The following TTC7B variants were observed in gnomAD, a reference collection of about 807,000 sequenced individuals.
TTC7B encodes tetratricopeptide repeat domain 7B, also known as tetratricopeptide repeat protein 7B.
A neutral mutation model predicts 106.8 loss-of-function variants in TTC7B; 28 were observed. The ratio of observed to expected loss-of-function variants is 0.26; its 90% confidence interval spans 0.19 to 0.36. The LOEUF (loss-of-function observed/expected upper bound fraction) is 0.36, where lower values mean the gene tolerates loss of function less well. TTC7B is among the 10% of genes least tolerant of loss of function. The pLI is 1.00. For synonymous variants in TTC7B, 405 were observed against 430.6 expected (o/e 0.94, Z 0.74); for missense variants, 862 against 1,076.4 (o/e 0.80, Z 2.79).
chr14:90,560,547 A>T (rs1890527397), intron 19 of TTC7B, among the ~76,000 whole-genome samples: 1 of 152,248 alleles, frequency 6.6e-6, no homozygotes, highest in Non-Finnish European at 1.5e-5. Context: ...GGGAAAGGAG[A>T]TACATTTTCT....
intron 5 of TTC7B, among the ~76,000 whole-genome samples, chr14:90,714,962 C>T (rs1039761275): frequency 2.6e-5 from 4 of 152,132 alleles, no homozygotes; most frequent in African/African-American, 7.2e-5. Context: ...CTGCTCTCAG[C>T]AGTTTCTCTT....
chr14:90,608,515 C>G lies in TTC7B; in HGVS notation c.1966+2227G>C, dbSNP rs371104082. ...GTTGTTGAGGAAGGGCATAGGAGCC[C>G]GCGGTCCTGACTCCAAACACCTAGG... On this transcript the variant is annotated intron_variant, in intron 17 of 19. Transcript: ENST00000328459. The surrounding 1 kb of genome is among the most constrained non-coding windows in gnomAD (Gnocchi z 5.1). 6.6e-6 allele frequency among the ~76,000 whole-genome samples: 1 copy of G among 152,076 alleles called. No individual in the cohort carries two copies. Among genetic ancestry groups the G allele is most frequent in the South Asian group, 2.1e-4 (1 of 4,824 alleles).
intron 15 of TTC7B, among the ~76,000 whole-genome samples, chr14:90,625,814 TAAAC>T (rs1884414607): frequency 6.6e-6 from 1 of 152,228 alleles, no homozygotes; most frequent in African/African-American, 2.4e-5. Flanking sequence ...ACACAGGAAA[TAAAC>T]AATTCTTAGA....
intron 3 of TTC7B, chr14:90,767,042 A>AAG: frequency 1.2e-6 from 1 of 822,324 alleles, no homozygotes; most frequent in Non-Finnish European, 1.8e-6. Context: ...AAAAAAAAAA[A>AAG]AAAGAAAGAA....
chr14:90,615,521 G>A (rs180898530), intron 16 of TTC7B, among the ~76,000 whole-genome samples: 1 of 152,298 alleles, frequency 6.6e-6, no homozygotes, highest in East Asian at 1.9e-4. Context: ...TGATTCTTAG[G>A]CGCTTGTTCA....
intron 5 of TTC7B, among the ~76,000 whole-genome samples, chr14:90,720,716 C>T (rs749018791): frequency 3.9e-5 from 6 of 152,136 alleles, no homozygotes; most frequent in East Asian, 3.9e-4. Flanking sequence ...CTTTTAGACA[C>T]GAAATTATAT....
At chr14:90,633,471 A>C (rs1884790482) in intron 15 of TTC7B, among the ~76,000 whole-genome samples, 1 of 152,228 alleles carries the variant, frequency 6.6e-6, no homozygotes, top group Admixed American at 6.5e-5. Flanking sequence ...GTAACACTGA[A>C]GTTCTTAAAT....
intron 19 of TTC7B, among the ~76,000 whole-genome samples, chr14:90,571,802 C>T (rs1043121375): frequency 2.0e-5 from 3 of 152,224 alleles, no homozygotes; most frequent in Admixed American, 6.5e-5. Flanking sequence ...CTTCTGAAGA[C>T]GTTTCTCCAA....
In TTC7B at chr14:90,727,592, C is replaced by A. The variant is rs546723613; in HGVS notation, c.698+2483G>T. On this transcript the variant is annotated intron_variant, in intron 5 of 19. Transcript: ENST00000328459. ...TTTCTGAAAGAGATGCCCAAGTCCACCAGTTCCGCAGTGACTTCTGGAAAA... is the reference window on the plus strand; with the variant it reads ...TTTCTGAAAGAGATGCCCAAGTCCAACAGTTCCGCAGTGACTTCTGGAAAA... Among the ~76,000 whole-genome samples the A allele has an allele frequency of 3.3e-5, 5 of 152,302 alleles. 1 individual carries two copies. In the South Asian group the frequency reaches 8.3e-4, roughly 25 times the overall value.
rs1359354310 is a variant in TTC7B at position 90,528,100 on chromosome 14, G to T, written c.*13268C>A. 1 of 152,112 alleles carries T rather than the reference G, an allele frequency of 6.6e-6. No individual in the cohort carries two copies. The highest frequency in any genetic ancestry group is 2.4e-5 in the African/African-American group (1 of 41,446). 9.4% of individuals were successfully genotyped at this position (152,112 alleles called of 1,614,324 possible). On this transcript the variant is annotated 3_prime_UTR_variant, in exon 20 of 20. Coordinates refer to ENST00000328459, the MANE Select transcript of TTC7B (RefSeq NM_001010854.2). Reference sequence around the variant, plus strand: ...TCTCTGTGGATGACATAGCCATGGGGTCGCCTGCTGCCTCCCGGTTACCCA... The same window carrying T: ...TCTCTGTGGATGACATAGCCATGGGTTCGCCTGCTGCCTCCCGGTTACCCA...
chr14:90,585,345 G>A (rs758324245), intron 18 of TTC7B, among the ~76,000 whole-genome samples: 1 of 152,128 alleles, frequency 6.6e-6, no homozygotes, highest in Admixed American at 6.5e-5. Context: ...CCTCAGCCCC[G>A]CTGTTCTGAC....
At chr14:90,573,015 T>C (rs1017569010) in intron 19 of TTC7B, among the ~76,000 whole-genome samples, 1 of 152,100 alleles carries the variant, frequency 6.6e-6, no homozygotes, top group African/African-American at 2.4e-5. Context: ...ACCAGTGGTC[T>C]TTTATCACTA....
At chr14:90,655,743 T>C (rs902621544) in intron 11 of TTC7B, among the ~76,000 whole-genome samples, 3 of 152,166 alleles carry the variant, frequency 2.0e-5, no homozygotes, top group Admixed American at 2.0e-4. Flanking sequence ...CAAATGTTGA[T>C]GATATTGAAG....
At position 90,805,807 on chromosome 14, in the gene TTC7B, T is replaced by G. The variant is rs1415059847; in HGVS notation, c.121+10368A>C. 6.6e-6 allele frequency among the ~76,000 whole-genome samples: 1 copy of G among 152,210 alleles called. No homozygotes were observed. The highest frequency in any genetic ancestry group is 1.9e-4 in the East Asian group (1 of 5,172). On this transcript the variant is annotated intron_variant, in intron 1 of 19. Coordinates refer to ENST00000328459, the MANE Select transcript of TTC7B (RefSeq NM_001010854.2). The surrounding 1 kb of genome is among the most constrained non-coding windows in gnomAD (Gnocchi z 4.0). ...CAGGGGGTCCGTGCCCTGCCTCAGC[T>G]CATCAGAGTCACTCCTGTGAGCCCT...
At chr14:90,612,907 AC>A (rs1428450145) in intron 16 of TTC7B, among the ~76,000 whole-genome samples, 1 of 152,168 alleles carries the variant, frequency 6.6e-6, no homozygotes, top group Non-Finnish European at 1.5e-5. Context: ...GAAACCCCAA[AC>A]AAACCATCAT....
Position 90,633,674 on chromosome 14 carries a change from C to T in TTC7B, c.1751+10374G>A, listed in dbSNP as rs139945329. Among the ~76,000 whole-genome samples the T allele has an allele frequency of 5.4e-4, 82 of 152,244 alleles. 4 individuals carry two copies. The East Asian group carries it at 0.012, about 21-fold the overall frequency. On this transcript the variant is annotated intron_variant, in intron 15 of 19. Coordinates refer to ENST00000328459, the MANE Select transcript of TTC7B (RefSeq NM_001010854.2). ...AGAGACAATTATGTACTCCAAATAT[C>T]ACCTGTTACCTTCTACCTTTTTGGG... is the stretch of plus-strand genomic sequence containing the variant.
intron 19 of TTC7B, among the ~76,000 whole-genome samples, chr14:90,544,415 C>A (rs1889736420): frequency 6.6e-6 from 1 of 152,182 alleles, no homozygotes; most frequent in South Asian, 2.1e-4. Flanking sequence ...CACCTCATGA[C>A]TCCTGGTGCC....
At chr14:90,593,278 G>C (rs1892044408) in intron 18 of TTC7B, among the ~76,000 whole-genome samples, 1 of 152,228 alleles carries the variant, frequency 6.6e-6, no homozygotes, top group Non-Finnish European at 1.5e-5. Context: ...CCGAGGCAGG[G>C]GAGAGGGATC....
intron 5 of TTC7B, among the ~76,000 whole-genome samples, chr14:90,711,189 G>A (rs780133402): frequency 5.3e-5 from 8 of 152,012 alleles, no homozygotes; most frequent in Non-Finnish European, 1.0e-4. Flanking sequence ...GTAAATATGT[G>A]GGTAAATATA....
Sources: allele counts gnomAD v4.1 joint callset (sites outside exome capture counted in the v4.1 genomes callset), GRCh38; gene constraint gnomAD v4.1.1; non-coding constraint Gnocchi (gnomAD v3.1); transcripts MANE v1.5; gene names NCBI Gene and HGNC (gene_info 2026-07-23, HGNC 2026-07-21).